The following CNTNAP3B variants were observed in gnomAD, a reference collection of about 807,000 sequenced individuals.
CNTNAP3B encodes contactin-associated protein-like 3B.
In CNTNAP3B, 25 loss-of-function variants were observed where a neutral mutation model predicts 108.9. The observed-to-expected ratio is 0.23, with a 90% CI of 0.17 to 0.32. The LOEUF (loss-of-function observed/expected upper bound fraction) is 0.32. Among genes scored for constraint, CNTNAP3B ranks in the 10% least tolerant of loss-of-function variants. The pLI, the probability that CNTNAP3B is intolerant of heterozygous loss-of-function variation, is 1.00. For synonymous variants in CNTNAP3B, 103 were observed against 473.4 expected (o/e 0.22, Z 10.16); for missense variants, 252 against 1,210.4 (o/e 0.21, Z 11.75).
chr9:42,093,379 A>G (rs1249410456), intron 2 of CNTNAP3B, among the ~76,000 whole-genome samples: 1 of 95,880 alleles, frequency 1.0e-5, no homozygotes, highest in Middle Eastern at 4.8e-3. Flanking sequence ...ATTAAAAAAA[A>G]ACTACTAATT....
chr9:42,043,172 CTT>C (rs34086655), intron 3 of CNTNAP3B, among the ~76,000 whole-genome samples: 65 of 82,536 alleles, frequency 7.9e-4, no homozygotes, highest in African/African-American at 2.2e-3. Flanking sequence ...TTCTTTTATT[CTT>C]TTTTTTTTTT....
intron 14 of CNTNAP3B, among the ~76,000 whole-genome samples, chr9:41,931,485 T>C (rs1332586846): frequency 6.6e-6 from 1 of 152,400 alleles, no homozygotes. Context: ...AACTTTCAAA[T>C]TGGAAAATAT....
At chr9:41,918,459 C>T (rs1823577049) in intron 18 of CNTNAP3B, among the ~76,000 whole-genome samples, 1 of 145,246 alleles carries the variant, frequency 6.9e-6, no homozygotes, top group African/African-American at 2.6e-5. Flanking sequence ...TACACACATA[C>T]ACATACACAC....
At chr9:42,115,111 G>A (rs1285403716) in intron 1 of CNTNAP3B, among the ~76,000 whole-genome samples, 1 of 137,722 alleles carries the variant, frequency 7.3e-6, no homozygotes, top group East Asian at 2.2e-4. Context: ...GCAATATAAA[G>A]CAAAGTGAGT....
At chr9:42,077,483 A>T (rs992505838) in intron 2 of CNTNAP3B, among the ~76,000 whole-genome samples, 1 of 135,700 alleles carries the variant, frequency 7.4e-6, no homozygotes, top group Non-Finnish European at 1.6e-5. Context: ...AAGTGCTTAC[A>T]GTCTCATAGG....
At chr9:42,041,945 A>T (rs1826768478) in intron 3 of CNTNAP3B, among the ~76,000 whole-genome samples, 1 of 136,738 alleles carries the variant, frequency 7.3e-6, no homozygotes, top group Non-Finnish European at 1.6e-5. Flanking sequence ...AGGGACATGG[A>T]TGAAGCTGGA....
intron 14 of CNTNAP3B, among the ~76,000 whole-genome samples, chr9:41,930,379 CA>C (rs1229074300): frequency 2.1e-4 from 32 of 152,258 alleles, no homozygotes; most frequent in African/African-American, 6.8e-4. Context: ...CCCGTCTCTA[CA>C]AAAAATACAA....
At chr9:41,990,462 G>A (rs1825785304) in intron 8 of CNTNAP3B, among the ~76,000 whole-genome samples, 1 of 131,968 alleles carries the variant, frequency 7.6e-6, no homozygotes, top group Admixed American at 7.7e-5. Flanking sequence ...TTGCCTGATT[G>A]TTCCAGAAGT....
intron 1 of CNTNAP3B, among the ~76,000 whole-genome samples, chr9:42,112,902 C>T (rs1828225391): frequency 8.1e-6 from 1 of 123,930 alleles, no homozygotes; most frequent in South Asian, 2.7e-4. Context: ...CGGAGCCTCG[C>T]CCTGTCGCCC....
intron 3 of CNTNAP3B, among the ~76,000 whole-genome samples, chr9:42,030,218 C>T (rs1295460610): frequency 1.6e-5 from 1 of 61,662 alleles, no homozygotes; most frequent in Non-Finnish European, 2.9e-5. Flanking sequence ...CACTCTTTCA[C>T]TGAACCCCAA....
chr9:42,051,714 C>T (rs1404451282), intron 3 of CNTNAP3B, among the ~76,000 whole-genome samples: 1 of 143,140 alleles, frequency 7.0e-6, no homozygotes, highest in Non-Finnish European at 1.5e-5. Context: ...AATTTATTGG[C>T]CGTTTAACTT....
In CNTNAP3B at chr9:42,035,528, C is replaced by T. The variant is rs1587217338; in HGVS notation, c.391-22003G>A. 1.4e-5 allele frequency among the ~76,000 whole-genome samples: 2 copies of T among 146,982 alleles called. 1 individual carries two copies. Among genetic ancestry groups the T allele is most frequent in the East Asian group, 4.1e-4 (2 of 4,906 alleles). On this transcript the variant is annotated intron_variant, in intron 3 of 23. Transcript: ENST00000377561. ...AAAGGTGGGACTTTGGACAAAAATC[C>T]TTCAGTGCCTCAGTTTCCTCATCCA...
intron 3 of CNTNAP3B, among the ~76,000 whole-genome samples, chr9:42,028,799 C>T (rs1416280696): frequency 1.3e-5 from 2 of 149,240 alleles, no homozygotes; most frequent in Non-Finnish European, 3.0e-5. Flanking sequence ...ATCAATTTTG[C>T]ATTCAGAAAA....
chr9:41,954,087 A>C (rs1291719140), intron 12 of CNTNAP3B, among the ~76,000 whole-genome samples: 1 of 152,208 alleles, frequency 6.6e-6, no homozygotes, highest in East Asian at 1.9e-4. Context: ...TAGTGTTCCC[A>C]ACAATGGACC....
intron 3 of CNTNAP3B, among the ~76,000 whole-genome samples, chr9:42,045,620 GC>G (rs1335553416): frequency 1.4e-5 from 2 of 146,632 alleles, no homozygotes; most frequent in African/African-American, 5.2e-5. Context: ...GTTCACTGCA[GC>G]ATTATCCACA....
At chr9:42,056,230 T>A (rs1167363173) in intron 3 of CNTNAP3B, among the ~76,000 whole-genome samples, 6 of 135,950 alleles carry the variant, frequency 4.4e-5, no homozygotes, top group Admixed American at 3.7e-4. Flanking sequence ...CCTCAGTAAA[T>A]GTTTTAGTTG....
At chr9:41,940,792 G>A (rs530223912) in intron 13 of CNTNAP3B, among the ~76,000 whole-genome samples, 76 of 152,198 alleles carry the variant, frequency 5.0e-4, no homozygotes, top group Middle Eastern at 3.4e-3. Flanking sequence ...TCCAGCCAGG[G>A]CGACAGAGTG....
rs1478260049 is a variant in CNTNAP3B at position 42,107,447 on chromosome 9, C to A, written c.86-2708G>T. 3.6e-5 allele frequency among the ~76,000 whole-genome samples: 4 copies of A among 112,270 alleles called. 1 individual carries two copies. The highest frequency in any genetic ancestry group is 7.1e-5 in the Non-Finnish European group (4 of 56,022). 73.7% of individuals were successfully genotyped at this position (112,270 alleles called of 152,430 possible). A position where few individuals can be genotyped will look rare whatever the true frequency, so the allele number is the denominator to read the frequency against. On this transcript the variant is annotated intron_variant, in intron 1 of 23. Transcript: ENST00000377561. ...ATAGGTGTAATAGATAATAGTTATT[C>A]TTTCCCTTGGTTTCTCCCTAATTAA...
chr9:41,945,610 C>G (rs1032035456), intron 13 of CNTNAP3B, among the ~76,000 whole-genome samples: 3 of 152,308 alleles, frequency 2.0e-5, no homozygotes, highest in African/African-American at 7.2e-5. Context: ...ACACCGGGGC[C>G]TGTCATGGGG....
Sources: allele counts gnomAD v4.1 joint callset (sites outside exome capture counted in the v4.1 genomes callset), GRCh38; gene constraint gnomAD v4.1.1; transcripts MANE v1.5; gene names NCBI Gene and HGNC (gene_info 2026-07-23, HGNC 2026-07-21).